The following ATRNL1 variants were observed in gnomAD, a reference collection of about 807,000 sequenced individuals.
ATRNL1 encodes attractin like 1, also known as attractin-like protein 1.
In ATRNL1, 95 loss-of-function variants were observed where a neutral mutation model predicts 182.7. That is an observed-to-expected ratio of 0.52 (90% CI 0.44 to 0.62). The LOEUF is 0.62. Ranked by LOEUF, ATRNL1 falls within the 20% of genes least tolerant of loss-of-function variation. ATRNL1 has a pLI of 0.00. For missense variants in ATRNL1, 1,471 were observed against 1,679.5 expected (o/e 0.88, Z 2.17); for synonymous variants, 576 against 568.3 (o/e 1.01, Z -0.19).
intron 25 of ATRNL1, among the ~76,000 whole-genome samples, chr10:115,543,511 T>C (rs1852477448): frequency 6.6e-6 from 1 of 152,192 alleles, no homozygotes; most frequent in African/African-American, 2.4e-5. Flanking sequence ...CAGTGAAATA[T>C]AATAATATGC....
chr10:115,657,494 CTG>C (rs1248945228), intron 26 of ATRNL1, among the ~76,000 whole-genome samples: 1 of 152,128 alleles, frequency 6.6e-6, no homozygotes, highest in Non-Finnish European at 1.5e-5. Context: ...GTGTTAATAA[CTG>C]TGCAAAATGT....
chr10:115,875,908 T>C (rs887121540), intron 28 of ATRNL1, among the ~76,000 whole-genome samples: 7 of 152,220 alleles, frequency 4.6e-5, no homozygotes, highest in African/African-American at 1.7e-4. Context: ...GTAAATAATA[T>C]TCTAGCAGAA....
At chr10:115,365,939 A>C (rs1857013190) in intron 19 of ATRNL1, among the ~76,000 whole-genome samples, 1 of 152,152 alleles carries the variant, frequency 6.6e-6, no homozygotes, top group Non-Finnish European at 1.5e-5. Context: ...CTTTACTTCC[A>C]AGTATGTGGT....
chr10:115,551,595 G>A lies in ATRNL1; in HGVS notation c.3795+2059G>A, dbSNP rs544343145. Among the ~76,000 whole-genome samples the A allele has an allele frequency of 2.6e-3, 399 of 151,476 alleles. 1 individual carries two copies. Among genetic ancestry groups the A allele is most frequent in the African/African-American group, 9.0e-3 (374 of 41,498 alleles). On this transcript the variant is annotated intron_variant, in intron 26 of 28. Coordinates refer to ENST00000355044, the MANE Select transcript of ATRNL1 (RefSeq NM_207303.4). Reference sequence around the variant, plus strand: ...TTAATTTGCTACTGCTTCCGAAAAAGAAAATGTATCTTGAGGGTTTATGTT... The same window carrying A: ...TTAATTTGCTACTGCTTCCGAAAAAAAAAATGTATCTTGAGGGTTTATGTT...
At chr10:115,422,537 A>G (rs1353315771) in intron 20 of ATRNL1, among the ~76,000 whole-genome samples, 5 of 152,294 alleles carry the variant, frequency 3.3e-5, no homozygotes, top group Middle Eastern at 3.4e-3. Flanking sequence ...AAAATAACAG[A>G]TGCTGGCAAG....
chr10:115,217,724 T>C (rs1554896598), intron 9 of ATRNL1, among the ~76,000 whole-genome samples: 1 of 152,224 alleles, frequency 6.6e-6, no homozygotes, highest in East Asian at 1.9e-4. Flanking sequence ...GATATTTATA[T>C]GTAAAACAAT....
At chr10:115,308,027 T>C (rs571024253) in intron 17 of ATRNL1, among the ~76,000 whole-genome samples, 6 of 152,320 alleles carry the variant, frequency 3.9e-5, no homozygotes, top group African/African-American at 1.4e-4. Context: ...GGTCTTTTAG[T>C]TGCCTTCAGA....
rs1848200724 is a variant in ATRNL1 at position 115,469,317 on chromosome 10, T to C, written c.3642T>C (p.Pro1214=). The change falls in exon 24 of 29, where the codon CCT becomes CCC. Residue 1214 remains proline, a synonymous_variant. Transcript: ENST00000355044. ...TGTACGTCAGCAACTTTTCCTGGCCTATTAAAATACAGGTAAGTGTTAAGA... is the reference window on the plus strand; with the variant it reads ...TGTACGTCAGCAACTTTTCCTGGCCCATTAAAATACAGGTAAGTGTTAAGA... The part of the protein sequence containing the change: ...FYVYVSNFSW[P]IKIQIAFSQH... 1 of 1,524,082 alleles carries C rather than the reference T, an allele frequency of 6.6e-7. No homozygotes were observed. Among genetic ancestry groups the C allele is most frequent in the Non-Finnish European group, 8.8e-7 (1 of 1,139,554 alleles). 94.4% of individuals were successfully genotyped at this position (1,524,082 alleles called of 1,614,324 possible).
chr10:115,691,382 C>T (rs1365973370), intron 26 of ATRNL1, among the ~76,000 whole-genome samples: 2 of 152,154 alleles, frequency 1.3e-5, no homozygotes, highest in Admixed American at 6.5e-5. Context: ...TAAAGTTGAG[C>T]ACCTTTTCAT....
At chr10:115,105,882 C>T (rs1554865786) in intron 1 of ATRNL1, among the ~76,000 whole-genome samples, 2 of 152,276 alleles carry the variant, frequency 1.3e-5, no homozygotes, top group African/African-American at 4.8e-5. Context: ...TCATGGAGAA[C>T]CTTTGTATGT....
chr10:115,520,783 G>T (rs567969818), intron 25 of ATRNL1, among the ~76,000 whole-genome samples: 1 of 151,822 alleles, frequency 6.6e-6, no homozygotes, highest in Non-Finnish European at 1.5e-5. Context: ...TATTTTCTAC[G>T]GTTTACACAT....
rs147404359 is a variant in ATRNL1, at chr10:115,822,750, A to G, written c.3904-25127A>G. Among the ~76,000 whole-genome samples the G allele has an allele frequency of 1.2e-3, 188 of 152,308 alleles. 4 individuals are homozygous for G. In the East Asian group the frequency reaches 0.026, roughly 21 times the overall value. On this transcript the variant is annotated intron_variant, in intron 27 of 28. Coordinates refer to ENST00000355044, the MANE Select transcript of ATRNL1 (RefSeq NM_207303.4). ...AACCAGAAAGAAGTCGAATCCCTGA[A>G]TAGACCAATAACAAGTTCTGAAATC...
intron 13 of ATRNL1, 66 bp downstream of exon 13, chr10:115,268,510 C>G: frequency 9.0e-7 from 1 of 1,107,344 alleles, no homozygotes; most frequent in Non-Finnish European, 1.4e-6. Context: ...CATTAGCTTA[C>G]CATTTAGTAG....
At chr10:115,511,181 T>C (rs1850366532) in intron 24 of ATRNL1, among the ~76,000 whole-genome samples, 1 of 151,994 alleles carries the variant, frequency 6.6e-6, no homozygotes, top group Admixed American at 6.6e-5. Flanking sequence ...AATATTACCT[T>C]GTCTGAATTA....
At chr10:115,391,223 C>T (rs182134375) in intron 19 of ATRNL1, among the ~76,000 whole-genome samples, 1 of 152,280 alleles carries the variant, frequency 6.6e-6, no homozygotes, top group East Asian at 1.9e-4. Context: ...TAAAGGTGGA[C>T]ATCCTTGTCT....
chr10:115,906,325 A>G (rs1195930205), intron 28 of ATRNL1, among the ~76,000 whole-genome samples: 1 of 152,194 alleles, frequency 6.6e-6, no homozygotes, highest in Non-Finnish European at 1.5e-5. Flanking sequence ...TTTGATCTGG[A>G]TTCAGATTTC....
At chr10:115,135,715 T>C (rs1329298986) in intron 5 of ATRNL1, among the ~76,000 whole-genome samples, 2 of 152,166 alleles carry the variant, frequency 1.3e-5, no homozygotes, top group Non-Finnish European at 1.5e-5. Context: ...AAAAAGAGCC[T>C]GCATTGCCAA....
intron 8 of ATRNL1, among the ~76,000 whole-genome samples, chr10:115,191,574 C>T (rs950222899): frequency 1.3e-5 from 2 of 152,082 alleles, no homozygotes; most frequent in Non-Finnish European, 2.9e-5. Context: ...ACAATCCCCA[C>T]GTATCAAGGA....
In ATRNL1 at chr10:115,875,193, A is replaced by AT. The variant is rs528884433; in HGVS notation, c.4018+27207dup. Among the ~76,000 whole-genome samples the AT allele has an allele frequency of 3.9e-3, 598 of 152,304 alleles. 2 individuals are homozygous for AT. Among genetic ancestry groups the AT allele is most frequent in the African/African-American group, 0.014 (578 of 41,572 alleles). ...CTCTACCAGTGAACTCATTAAAGAGATTTTTATGTTAATAGCGAAGTTTTT... is the reference window on the plus strand; with the variant it reads ...CTCTACCAGTGAACTCATTAAAGAGATTTTTTATGTTAATAGCGAAGTTTTT... On this transcript the variant is annotated intron_variant, in intron 28 of 28. Transcript: ENST00000355044.
Sources: allele counts gnomAD v4.1 joint callset (sites outside exome capture counted in the v4.1 genomes callset), GRCh38; gene constraint gnomAD v4.1.1; transcripts MANE v1.5; gene names NCBI Gene and HGNC (gene_info 2026-07-23, HGNC 2026-07-21).